XPNPEP1: variants seen among roughly 807,000 people sequenced by gnomAD.
XPNPEP1 encodes xaa-Pro aminopeptidase 1.
XPNPEP1 carries 39 observed loss-of-function variants against 92.4 expected under a neutral mutation model. That is an observed-to-expected ratio of 0.42 (90% CI 0.33 to 0.55). The LOEUF (loss-of-function observed/expected upper bound fraction) is 0.55, where lower values mean the gene tolerates loss of function less well. Among genes scored for constraint, XPNPEP1 ranks in the 20% least tolerant of loss-of-function variants. The pLI is 0.08. For missense variants in XPNPEP1, 654 were observed against 856.1 expected (o/e 0.76, Z 2.95); for synonymous variants, 307 against 299.4 (o/e 1.03, Z -0.26).
chr10:109,896,473 G>A (rs946820272), intron 3 of XPNPEP1, among the ~76,000 whole-genome samples: 14 of 132,902 alleles, frequency 1.1e-4, no homozygotes, highest in East Asian at 2.2e-4. Flanking sequence ...GTTTTACCAC[G>A]TTGCCAGGCT....
chr10:109,918,691 G>A (rs1000908337), intron 1 of XPNPEP1, among the ~76,000 whole-genome samples: 2 of 152,020 alleles, frequency 1.3e-5, no homozygotes, highest in Non-Finnish European at 2.9e-5. Context: ...AACCCAGGAG[G>A]GGGAGCTTGC....
At chr10:109,878,216 G>A in intron 12 of XPNPEP1, 158 bp from the exon 13 acceptor site, 1 of 701,424 alleles carries the variant, frequency 1.4e-6, no homozygotes, top group Admixed American at 2.5e-5. Context: ...AACTCCCAAA[G>A]GCTCTCACCA....
chr10:109,871,566 G>A (rs1438751493), intron 17 of XPNPEP1, among the ~76,000 whole-genome samples: 1 of 152,300 alleles, frequency 6.6e-6, no homozygotes, highest in Non-Finnish European at 1.5e-5. Flanking sequence ...AAGTGGTCAG[G>A]AGAATGGTGC....
chr10:109,893,983 AAGAG>A (rs1214683757), intron 3 of XPNPEP1: 1 of 152,270 alleles, frequency 6.6e-6, no homozygotes, highest in African/African-American at 2.4e-5. Context: ...CTGAGGTTCA[AAGAG>A]AGAATCTTTA....
At chr10:109,923,359 C>A (rs1239215778) in intron 1 of XPNPEP1, 43 bp downstream of exon 1, 3 of 1,423,610 alleles carry the variant, frequency 2.1e-6, no homozygotes, top group South Asian at 2.7e-5. Context: ...GCAGCGAGGG[C>A]TGCACGCTGC....
At chr10:109,897,273 A>G (rs1849038393) in intron 3 of XPNPEP1, among the ~76,000 whole-genome samples, 2 of 152,184 alleles carry the variant, frequency 1.3e-5, no homozygotes, top group Admixed American at 6.5e-5. Context: ...ACTACAAAAA[A>G]AAAAAAAGCT....
chr10:109,871,048 T>C (rs1220844822), intron 17 of XPNPEP1, 144 bp from the exon 18 acceptor site: 1 of 905,734 alleles, frequency 1.1e-6, no homozygotes, highest in Non-Finnish European at 1.6e-6. Context: ...AAGGAAGAAC[T>C]TTCTAACAAT....
chr10:109,882,254 T>A (rs1389631266), intron 10 of XPNPEP1, among the ~76,000 whole-genome samples, 178 bp downstream of exon 10: 2 of 152,096 alleles, frequency 1.3e-5, no homozygotes, highest in African/African-American at 4.8e-5. Context: ...AACACAAGAC[T>A]CAACAAGCAA....
chr10:109,915,351 C>G (rs1450217657), intron 1 of XPNPEP1, among the ~76,000 whole-genome samples: 2 of 152,198 alleles, frequency 1.3e-5, no homozygotes, highest in African/African-American at 4.8e-5. Flanking sequence ...TTTAACTAGA[C>G]TAAGAAGACT....
At position 109,923,451 on chromosome 10, in the gene XPNPEP1, C is replaced by T; in HGVS notation, c.-18G>A. The T allele has an allele frequency of 3.5e-6, 5 of 1,428,572 alleles. No homozygotes were observed. Among genetic ancestry groups the T allele is most frequent in the Non-Finnish European group, 4.6e-6 (5 of 1,088,984 alleles). 88.5% of individuals were successfully genotyped at this position (1,428,572 alleles called of 1,614,324 possible). Reference sequence around the variant, plus strand: ...GCTGCCATTCGGCGGTGACGTGCCCCAGCCCACGTCAGGGGAGCGCAGACC... The same window carrying T: ...GCTGCCATTCGGCGGTGACGTGCCCTAGCCCACGTCAGGGGAGCGCAGACC... On this transcript the variant is annotated 5_prime_UTR_variant, in exon 1 of 21. Coordinates refer to ENST00000502935, the MANE Select transcript of XPNPEP1 (RefSeq NM_020383.4).
intron 1 of XPNPEP1, among the ~76,000 whole-genome samples, chr10:109,919,326 G>T (rs939686307): frequency 2.0e-5 from 3 of 152,154 alleles, no homozygotes; most frequent in African/African-American, 7.2e-5. Context: ...CTAAGGATCT[G>T]AATAGACATT....
chr10:109,914,785 G>A (rs553551265), intron 2 of XPNPEP1, among the ~76,000 whole-genome samples: 7 of 134,134 alleles, frequency 5.2e-5, no homozygotes, highest in Non-Finnish European at 7.6e-5. Context: ...GACCAAGGGC[G>A]AGACTCCGTC....
At position 109,923,502 on chromosome 10, in the gene XPNPEP1, C is replaced by G. The variant is rs1176570618; in HGVS notation, c.-69G>C. On this transcript the variant is annotated 5_prime_UTR_variant, in exon 1 of 21. Coordinates refer to ENST00000502935, the MANE Select transcript of XPNPEP1 (RefSeq NM_020383.4). ...AGCTGATCACCCGCGGAAGGGCCGG[C>G]GCGAAGGAGGCGCGAGAGCCGGCGG... 11 of 1,264,688 alleles carry G rather than the reference C, an allele frequency of 8.7e-6. No homozygotes were observed. Among genetic ancestry groups the G allele is most frequent in the South Asian group, 2.0e-5 (1 of 49,298 alleles). The allele number at this position is 1,264,688 out of a possible 1,614,324, so 78.3% of individuals were successfully genotyped here. A position where few individuals can be genotyped will look rare whatever the true frequency, so the allele number is the denominator to read the frequency against.
chr10:109,923,384 C>T lies in XPNPEP1; in HGVS notation c.32+18G>A. ...CTGCACGCTGCCCGGACGCCGGCTG[C>T]CGGCGGAGTGCCCTCACCTTACTCG... On this transcript the variant is annotated intron_variant, in intron 1 of 20. Transcript: ENST00000502935. The T allele has an allele frequency of 2.1e-6, 3 of 1,431,382 alleles. No individual in the cohort carries two copies. Among genetic ancestry groups the T allele is most frequent in the Non-Finnish European group, 2.7e-6 (3 of 1,091,654 alleles). The allele number at this position is 1,431,382 out of a possible 1,614,324, so 88.7% of individuals were successfully genotyped here. A position where few individuals can be genotyped will look rare whatever the true frequency, so the allele number is the denominator to read the frequency against.
intron 12 of XPNPEP1, chr10:109,878,442 T>C (rs1427515827): frequency 5.7e-6 from 1 of 174,670 alleles, no homozygotes; most frequent in Non-Finnish European, 1.2e-5. Flanking sequence ...CAGCAAAAAA[T>C]TAAAAACAAC....
At chr10:109,916,609 G>T (rs1850206514) in intron 1 of XPNPEP1, among the ~76,000 whole-genome samples, 1 of 152,166 alleles carries the variant, frequency 6.6e-6, no homozygotes, top group African/African-American at 2.4e-5. Context: ...CTTTCATATG[G>T]CTGTGACTTT....
chr10:109,913,051 A>C (rs1849966170), intron 2 of XPNPEP1, among the ~76,000 whole-genome samples: 1 of 152,260 alleles, frequency 6.6e-6, no homozygotes. Context: ...GCAGCAAAGT[A>C]GGAAGCCAAG....
intron 17 of XPNPEP1, among the ~76,000 whole-genome samples, chr10:109,871,474 C>A (rs1450829370): frequency 3.3e-5 from 5 of 152,200 alleles, no homozygotes; most frequent in Admixed American, 2.6e-4. Flanking sequence ...GGAGGCTGCA[C>A]CAACTTCCAC....
Position 109,882,524 on chromosome 10 carries a change from C to T in XPNPEP1, c.949G>A (p.Glu317Lys), listed in dbSNP as rs756116561. The T allele has an allele frequency of 4.3e-6, 7 of 1,614,220 alleles. No individual in the cohort carries two copies. The South Asian group carries it at 4.4e-5, about 10-fold the overall frequency. ...AGGTCAGCACACAGGGCCTTGAGCT[C>T]GCTCAGGATGGACTTGTAGGGATGC... ...QVHPYKSILSELKALCADLSP... is the reference protein window; with the variant it reads ...QVHPYKSILSKLKALCADLSP... The change falls in exon 10 of 21, where the codon GAG becomes AAG. Residue 317 changes from glutamate to lysine, a missense_variant. Transcript: ENST00000502935.
Sources: allele counts gnomAD v4.1 joint callset (sites outside exome capture counted in the v4.1 genomes callset), GRCh38; gene constraint gnomAD v4.1.1; transcripts MANE v1.5; gene names NCBI Gene and HGNC (gene_info 2026-07-23, HGNC 2026-07-21).